COL19A1: variants seen among roughly 807,000 people sequenced by gnomAD.
COL19A1 encodes collagen alpha-1(XIX) chain.
A neutral mutation model predicts 190.2 loss-of-function variants in COL19A1; 159 were observed. That is an observed-to-expected ratio of 0.84 (90% CI 0.73 to 0.95). The LOEUF is 0.95. Ranked by LOEUF, COL19A1 falls within the 40% of genes least tolerant of loss-of-function variation. The probability of loss-of-function intolerance (pLI) is 0.00; values close to 1 mark genes in which losing one functional copy is unlikely to be tolerated. For missense variants in COL19A1, 1,418 were observed against 1,431.9 expected, an observed-to-expected ratio of 0.99 and a Z score of 0.16; for synonymous variants, 509 against 458.9, an observed-to-expected ratio of 1.11 and a Z score of -1.39.
intron 15 of COL19A1, among the ~76,000 whole-genome samples, chr6:70,092,920 G>T (rs1452469220): frequency 6.6e-6 from 1 of 152,132 alleles, no homozygotes; most frequent in African/African-American, 2.4e-5. Context: ...CCTGTTTCAC[G>T]GGCTTAGCCT....
At chr6:69,885,516 A>G (rs1319636507) in intron 2 of COL19A1, among the ~76,000 whole-genome samples, 2 of 152,164 alleles carry the variant, frequency 1.3e-5, no homozygotes, top group Non-Finnish European at 2.9e-5. Flanking sequence ...GAAAATCTCA[A>G]ATGCAATACA....
chr6:69,938,620 A>G (rs1287346408), intron 9 of COL19A1, among the ~76,000 whole-genome samples: 1 of 152,142 alleles, frequency 6.6e-6, no homozygotes, highest in African/African-American at 2.4e-5. Flanking sequence ...ACATCTAGAA[A>G]GAGATCGTGG....
At chr6:69,904,376 C>A (rs1034610382) in intron 4 of COL19A1, among the ~76,000 whole-genome samples, 1 of 152,188 alleles carries the variant, frequency 6.6e-6, no homozygotes, top group Non-Finnish European at 1.5e-5. Flanking sequence ...GGCACAGATA[C>A]AGCCACTGAC....
At chr6:70,193,635 A>G (rs542820011) in intron 48 of COL19A1, among the ~76,000 whole-genome samples, 2 of 152,288 alleles carry the variant, frequency 1.3e-5, no homozygotes, top group South Asian at 4.1e-4. Flanking sequence ...GCGACCCATA[A>G]GGAAACTATT....
intron 15 of COL19A1, 52 bp downstream of exon 15, chr6:70,068,528 T>C: frequency 8.4e-7 from 1 of 1,186,408 alleles, no homozygotes; most frequent in Non-Finnish European, 1.2e-6. Context: ...GGGATACTTA[T>C]TTGGGAACAC....
chr6:70,184,788 G>A (rs753506188), intron 45 of COL19A1, 50 bp downstream of exon 45: 1 of 1,603,500 alleles, frequency 6.2e-7, no homozygotes, highest in Non-Finnish European at 8.5e-7. Flanking sequence ...ACTGCATCCA[G>A]AATACCTACC....
chr6:70,063,176 A>T (rs1287016132), intron 14 of COL19A1, among the ~76,000 whole-genome samples: 1 of 152,206 alleles, frequency 6.6e-6, no homozygotes, highest in East Asian at 1.9e-4. Flanking sequence ...AACAGAATAT[A>T]CATTTTTTTC....
chr6:70,093,005 T>C (rs1215606629), intron 15 of COL19A1, among the ~76,000 whole-genome samples: 1 of 152,198 alleles, frequency 6.6e-6, no homozygotes, highest in Non-Finnish European at 1.5e-5. Flanking sequence ...ATAAGACTTA[T>C]CATTTTATAT....
intron 48 of COL19A1, among the ~76,000 whole-genome samples, chr6:70,197,350 G>A (rs1215538336): frequency 6.6e-6 from 1 of 152,038 alleles, no homozygotes; most frequent in African/African-American, 2.4e-5. Context: ...GTGAACCCGG[G>A]AGACGGAGGT....
intron 4 of COL19A1, among the ~76,000 whole-genome samples, chr6:69,906,483 T>C (rs571572520): frequency 6.6e-6 from 1 of 152,278 alleles, no homozygotes; most frequent in South Asian, 2.1e-4. Context: ...AGTGAGCATA[T>C]GTGTTCCATA....
chr6:70,174,960 G>C (rs1765717333), intron 41 of COL19A1, among the ~76,000 whole-genome samples: 1 of 152,190 alleles, frequency 6.6e-6, no homozygotes, highest in South Asian at 2.1e-4. Context: ...CAAAGTGTCA[G>C]GTGTAACTAT....
chr6:70,035,741 C>T (rs897013134), intron 13 of COL19A1, among the ~76,000 whole-genome samples, 163 bp from the exon 14 acceptor site: 4 of 152,018 alleles, frequency 2.6e-5, no homozygotes, highest in African/African-American at 9.7e-5. Context: ...CTAAAAGGGA[C>T]ATGATATATT....
chr6:69,879,476 A>G, intron 1 of COL19A1, 60 bp from the exon 2 acceptor site: 1 of 882,116 alleles, frequency 1.1e-6, no homozygotes, highest in Non-Finnish European at 1.8e-6. Context: ...CATTTTCTGG[A>G]GATGTTGAAA....
At chr6:70,004,977 T>C (rs1777528466) in intron 11 of COL19A1, among the ~76,000 whole-genome samples, 2 of 151,814 alleles carry the variant, frequency 1.3e-5, no homozygotes, top group Non-Finnish European at 2.9e-5. Flanking sequence ...GGACTACAGG[T>C]GCCTGCCACC....
intron 23 of COL19A1, 106 bp from the exon 24 acceptor site, chr6:70,144,104 T>C (rs771577639): frequency 1.1e-6 from 1 of 938,112 alleles, no homozygotes; most frequent in Non-Finnish European, 1.6e-6. Context: ...TATTAATAGG[T>C]TATATGTTAA....
chr6:69,888,325 A>AT, intron 2 of COL19A1, among the ~76,000 whole-genome samples: 2 of 152,316 alleles, frequency 1.3e-5, no homozygotes, highest in East Asian at 3.9e-4. Flanking sequence ...GCAAAAAAAA[A>AT]CTTTACTCTT....
intron 16 of COL19A1, among the ~76,000 whole-genome samples, chr6:70,117,296 A>T (rs1784634290): frequency 6.6e-6 from 1 of 152,214 alleles, no homozygotes; most frequent in African/African-American, 2.4e-5. Flanking sequence ...TAAGACTAGG[A>T]CTAAGGACTA....
chr6:69,868,353 T>G (rs1767612338), intron 1 of COL19A1, among the ~76,000 whole-genome samples: 1 of 152,058 alleles, frequency 6.6e-6, no homozygotes, highest in African/African-American at 2.4e-5. Flanking sequence ...ATTCCAGTGG[T>G]GAAAAACATG....
chr6:69,957,273 G>A (rs916577918), intron 9 of COL19A1, among the ~76,000 whole-genome samples: 1 of 152,052 alleles, frequency 6.6e-6, no homozygotes, highest in African/African-American at 2.4e-5. Context: ...TAAATCCAGT[G>A]ATCAGTTTTT....
Sources: allele counts gnomAD v4.1 joint callset (sites outside exome capture counted in the v4.1 genomes callset), GRCh38; gene constraint gnomAD v4.1.1; transcripts MANE v1.5; gene names NCBI Gene and HGNC (gene_info 2026-07-23, HGNC 2026-07-21).